ADGB: variants seen among roughly 807,000 people sequenced by gnomAD.
ADGB encodes calpain-7-like protein.
A neutral mutation model predicts 210.5 loss-of-function variants in ADGB; 172 were observed. The ratio of observed to expected loss-of-function variants is 0.82; its 90% CI spans 0.72 to 0.93. The LOEUF (loss-of-function observed/expected upper bound fraction) is 0.93. Ranked by LOEUF, ADGB falls within the 40% of genes least tolerant of loss-of-function variation. ADGB has a pLI of 0.00. For synonymous variants in ADGB, 658 were observed against 662.7 expected (o/e 0.99, Z 0.11); for missense variants, 2,025 against 1,964.8 (o/e 1.03, Z -0.58).
chr6:146,706,239 GTTTTTTTTTTCTTTTCTTTTTC>G (rs941691449), intron 13 of ADGB, among the ~76,000 whole-genome samples: 1 of 146,098 alleles, frequency 6.8e-6, no homozygotes, highest in South Asian at 2.2e-4. Context: ...ACAGTTTTTT[GTTTTTTTTTTCTTTTCTTTTTC>G]TTTTTTTTTT....
Position 146,721,460 on chromosome 6 carries a change from C to T in ADGB, c.2050C>T (p.Leu684=). ...LFVDSLKPIE[L]LVCFSALVRW... ...TGTAGATAGTCTAAAACCTATTGAACTACTGGTTTGCTTTTCTGCATTGGT... is the reference window on the plus strand; with the variant it reads ...TGTAGATAGTCTAAAACCTATTGAATTACTGGTTTGCTTTTCTGCATTGGT... Residue 684 remains leucine, a synonymous_variant, in exon 17 of 36, where the codon CTA becomes TTA. Coordinates refer to ENST00000397944, the MANE Select transcript of ADGB (RefSeq NM_024694.4). 3.2e-6 allele frequency: 5 copies of T among 1,551,326 alleles called. No homozygotes were observed. Among genetic ancestry groups the T allele is most frequent in the Non-Finnish European group, 3.5e-6 (4 of 1,146,698 alleles).
intron 33 of ADGB, among the ~76,000 whole-genome samples, chr6:146,797,253 T>C (rs1169490667): frequency 6.6e-6 from 1 of 152,196 alleles, no homozygotes; most frequent in African/African-American, 2.4e-5. Flanking sequence ...CTGGTAGGAA[T>C]GTAAACTAGT....
intron 9 of ADGB, among the ~76,000 whole-genome samples, chr6:146,680,946 C>T (rs796326935): frequency 2.0e-5 from 3 of 152,278 alleles, no homozygotes; most frequent in Admixed American, 1.3e-4. Context: ...TTCTAAAGTT[C>T]TATACCAGTG....
At chr6:146,814,077 T>C (rs1047220169) in intron 35 of ADGB, among the ~76,000 whole-genome samples, 5 of 152,194 alleles carry the variant, frequency 3.3e-5, no homozygotes, top group African/African-American at 4.8e-5. Flanking sequence ...ACTTGTGCAA[T>C]TGGTTTAGTC....
chr6:146,718,563 G>A (rs1776769782), intron 16 of ADGB, among the ~76,000 whole-genome samples: 1 of 152,074 alleles, frequency 6.6e-6, no homozygotes, highest in Admixed American at 6.6e-5. Flanking sequence ...AAAAATTGTG[G>A]ATTAAAGTAA....
chr6:146,640,034 G>T (rs1482942307), intron 2 of ADGB, among the ~76,000 whole-genome samples: 2 of 151,762 alleles, frequency 1.3e-5, no homozygotes, highest in Admixed American at 1.3e-4. Flanking sequence ...ACAAAGAAAA[G>T]AAAGAATATC....
Position 146,733,270 on chromosome 6 carries a change from T to C in ADGB, c.2656+15T>C. On this transcript the variant is annotated intron_variant, in intron 21 of 35. Coordinates refer to ENST00000397944, the MANE Select transcript of ADGB (RefSeq NM_024694.4). ...GGTTTCTTTAGGTACCCATGAATTG[T>C]ATATATTTAATCAAGGAATTCCTAG... 2.8e-6 allele frequency: 4 copies of C among 1,442,092 alleles called. No individual in the cohort carries two copies. The highest frequency in any genetic ancestry group is 3.6e-6 in the Non-Finnish European group (4 of 1,102,102). 89.3% of individuals were successfully genotyped at this position (1,442,092 alleles called of 1,614,324 possible). A position where few individuals can be genotyped will look rare whatever the true frequency, so the allele number is the denominator to read the frequency against.
chr6:146,629,639 A>G (rs1781030131), intron 1 of ADGB, among the ~76,000 whole-genome samples: 1 of 152,164 alleles, frequency 6.6e-6, no homozygotes, highest in South Asian at 2.1e-4. Flanking sequence ...GAATGAAGTA[A>G]TTTTATGCTG....
chr6:146,623,065 A>G (rs1780919657), intron 1 of ADGB, among the ~76,000 whole-genome samples: 1 of 151,918 alleles, frequency 6.6e-6, no homozygotes, highest in South Asian at 2.1e-4. Flanking sequence ...CTGTTTATGT[A>G]TCTTGATGCC....
chr6:146,775,318 A>G (rs529359322), intron 29 of ADGB, among the ~76,000 whole-genome samples: 8 of 152,254 alleles, frequency 5.3e-5, no homozygotes, highest in African/African-American at 1.9e-4. Flanking sequence ...GGCTTGAAAT[A>G]ATGGCTATGT....
intron 35 of ADGB, among the ~76,000 whole-genome samples, chr6:146,804,625 T>C (rs1350494984): frequency 6.6e-6 from 1 of 152,212 alleles, no homozygotes; most frequent in Non-Finnish European, 1.5e-5. Flanking sequence ...CTTGAAAATA[T>C]ATCCAACATA....
intron 27 of ADGB, among the ~76,000 whole-genome samples, chr6:146,760,834 A>C (rs763619619): frequency 3.3e-5 from 5 of 151,806 alleles, no homozygotes; most frequent in Non-Finnish European, 7.4e-5. Context: ...TTTAATTTGC[A>C]TTTCCCTTAT....
chr6:146,798,335 T>TACAAACATATATAAAAATAATGC (rs1279418266), intron 33 of ADGB, among the ~76,000 whole-genome samples: 1 of 152,170 alleles, frequency 6.6e-6, no homozygotes, highest in Non-Finnish European at 1.5e-5. Flanking sequence ...GCTTATAATG[T>TACAAACATATATAAAAATAATGC]ACAAACATAT....
At chr6:146,622,583 T>TGG (rs1780910862) in intron 1 of ADGB, among the ~76,000 whole-genome samples, 1 of 152,132 alleles carries the variant, frequency 6.6e-6, no homozygotes, top group Non-Finnish European at 1.5e-5. Context: ...GAGTATTTGA[T>TGG]CAAATAGCTT....
At chr6:146,686,860 TAGCTAGAAAG>T (rs1776239870) in intron 10 of ADGB, among the ~76,000 whole-genome samples, 1 of 152,136 alleles carries the variant, frequency 6.6e-6, no homozygotes, top group African/African-American at 2.4e-5. Flanking sequence ...TTCATTTAGT[TAGCTAGAAAG>T]AGCTATGTTT....
At position 146,815,083 on chromosome 6, in the gene ADGB, A is replaced by T; in HGVS notation, c.4870A>T (p.Arg1624Ter). 1 of 1,548,532 alleles carries T rather than the reference A, an allele frequency of 6.5e-7. No homozygotes were observed. Among genetic ancestry groups the T allele is most frequent in the South Asian group, 1.2e-5 (1 of 83,570 alleles). Reference protein sequence around the residue: ...QKIFDIREEYRNKLLEAEHLK... With the variant: ...QKIFDIREEY ...AATTTTCGACATCCGGGAAGAGTACAGAAACAAATTGCTGGAAGCTGAGCA... is the reference window on the plus strand; with the variant it reads ...AATTTTCGACATCCGGGAAGAGTACTGAAACAAATTGCTGGAAGCTGAGCA... The change falls in exon 36 of 36, where the codon AGA becomes TGA. Residue 1624 changes from arginine (R) to a stop codon, truncating the protein, a stop_gained. Transcript: ENST00000397944. LOFTEE classifies it low-confidence loss of function (END_TRUNC).
At position 146,724,186 on chromosome 6, in the gene ADGB, C is replaced by G. The variant is rs1011564026; in HGVS notation, c.2096C>G (p.Ala699Gly). 1.9e-6 allele frequency: 3 copies of G among 1,547,244 alleles called. No homozygotes were observed. The African/African-American group carries it at 4.1e-5, about 21-fold the overall frequency. The change falls in exon 18 of 36, where the codon GCC becomes GGC. Residue 699 changes from alanine (A) to glycine (G), a missense_variant and splice_region_variant. Coordinates refer to ENST00000397944, the MANE Select transcript of ADGB (RefSeq NM_024694.4). ...SALVRWGEYGALTKDSPPIEP... is the reference protein window; with the variant it reads ...SALVRWGEYGGLTKDSPPIEP... ...TAATACCTTTTTACTTATCTTAAAG[C>G]CTTAACAAAAGACAGTCCTCCCATA...
chr6:146,641,444 A>C lies in ADGB; in HGVS notation c.238-3329A>C, dbSNP rs375940750. On this transcript the variant is annotated intron_variant, in intron 2 of 35. Transcript: ENST00000397944. ...AAAAAAGAACCTGAATAGCCAAGGC[A>C]ATCCCACGGGAAAAAAAAAAAAGCT... Among the ~76,000 whole-genome samples, 33 of 151,990 alleles carry C rather than the reference A, an allele frequency of 2.2e-4. No individual in the cohort carries two copies. The East Asian group carries it at 5.8e-3, about 27-fold the overall frequency.
intron 25 of ADGB, among the ~76,000 whole-genome samples, chr6:146,744,148 T>C (rs1292436173): frequency 6.6e-6 from 1 of 152,208 alleles, no homozygotes; most frequent in Non-Finnish European, 1.5e-5. Flanking sequence ...CATTGCTCCA[T>C]TGTTTTGTAC....
Sources: gnomAD v4.1 joint callset for allele counts (sites outside exome capture counted in the v4.1 genomes callset) on GRCh38, gnomAD v4.1.1 for gene constraint, MANE v1.5 for transcripts, NCBI Gene and HGNC (gene_info 2026-07-23, HGNC 2026-07-21) for gene names.